The following HECTD2 variants were observed in gnomAD, a reference collection of about 807,000 sequenced individuals.
HECTD2 encodes probable E3 ubiquitin-protein ligase HECTD2.
In HECTD2, 35 loss-of-function variants were observed where a neutral mutation model predicts 103.2. That is an observed-to-expected ratio of 0.34 (90% CI 0.26 to 0.45). The LOEUF (loss-of-function observed/expected upper bound fraction) is 0.45, where lower values mean the gene tolerates loss of function less well. Ranked by LOEUF, HECTD2 falls within the 20% of genes least tolerant of loss-of-function variation. The pLI is 1.00. For synonymous variants in HECTD2, 281 were observed against 329.9 expected (o/e 0.85, Z 1.61); for missense variants, 596 against 937.4 (o/e 0.64, Z 4.76).
intron 1 of HECTD2, among the ~76,000 whole-genome samples, chr10:91,411,418 G>C (rs142434813): frequency 8.1e-4 from 124 of 152,220 alleles, no homozygotes; most frequent in African/African-American, 2.9e-3. Context: ...CTTTTTGAAA[G>C]TTTGCTTTGA....
At chr10:91,450,442 T>A (rs1213083792) in intron 2 of HECTD2, among the ~76,000 whole-genome samples, 1 of 152,126 alleles carries the variant, frequency 6.6e-6, no homozygotes, top group Non-Finnish European at 1.5e-5. Flanking sequence ...ACCTAGGCAG[T>A]ACCATTCAGG....
At chr10:91,510,463 T>C (rs764016881) in intron 20 of HECTD2, among the ~76,000 whole-genome samples, 17 of 152,230 alleles carry the variant, frequency 1.1e-4, no homozygotes, top group Non-Finnish European at 2.2e-4. Flanking sequence ...TTTTCTTCAA[T>C]AAACATTTTC....
intron 2 of HECTD2, among the ~76,000 whole-genome samples, chr10:91,434,948 A>G (rs1844052524): frequency 6.6e-6 from 1 of 152,064 alleles, no homozygotes; most frequent in Non-Finnish European, 1.5e-5. Context: ...GAAGTTCAGT[A>G]CATGTTATGA....
chr10:91,511,806 T>C (rs115119445), intron 20 of HECTD2, among the ~76,000 whole-genome samples: 2,363 of 152,230 alleles, frequency 0.016, 58 homozygotes, highest in African/African-American at 0.054. Flanking sequence ...CCAACAACCA[T>C]ACCCATCTCT....
chr10:91,503,122 A>G (rs1349125760), intron 20 of HECTD2, among the ~76,000 whole-genome samples: 1 of 152,234 alleles, frequency 6.6e-6, no homozygotes, highest in African/African-American at 2.4e-5. Flanking sequence ...ACACTTTTCA[A>G]AAGAAGGCAA....
At chr10:91,455,942 TG>T (rs1468868332) in intron 2 of HECTD2, among the ~76,000 whole-genome samples, 2 of 152,178 alleles carry the variant, frequency 1.3e-5, no homozygotes, top group East Asian at 3.8e-4. Context: ...ATCTCTGTTT[TG>T]GTACCAGTAC....
rs146293559 is a variant in HECTD2 at position 91,496,472 on chromosome 10, G to A, written c.1680+100G>A. On this transcript the variant is annotated intron_variant, in intron 15 of 20. Coordinates refer to ENST00000298068, the MANE Select transcript of HECTD2 (RefSeq NM_182765.6). ...TAATGCTATTCTTACTTTTAAATAT[G>A]GTTTCCTTCTACCTTTATAACTCAT... The A allele has an allele frequency of 4.0e-4, 330 of 818,438 alleles. 4 individuals carry two copies. In the African/African-American group the frequency reaches 4.4e-3, roughly 11 times the overall value. 50.7% of individuals were successfully genotyped at this position (818,438 alleles called of 1,614,324 possible).
At chr10:91,508,907 A>T (rs1847306269) in intron 20 of HECTD2, among the ~76,000 whole-genome samples, 1 of 151,704 alleles carries the variant, frequency 6.6e-6, no homozygotes, top group Non-Finnish European at 1.5e-5. Context: ...GGATTAAGAA[A>T]ATGTGGCACA....
At position 91,410,586 on chromosome 10, in the gene HECTD2, G is replaced by A. The variant is rs1842877647; in HGVS notation, c.138+10G>A. ...CGCCGGCGCGACCGCGGTAGGTGGT[G>A]GGCCGGGGCCGTCTGGCGCCCCGGA... On this transcript the variant is annotated intron_variant, in intron 1 of 20. Transcript: ENST00000298068. The A allele has an allele frequency of 3.9e-6, 5 of 1,289,176 alleles. No homozygotes were observed. Among genetic ancestry groups the A allele is most frequent in the Non-Finnish European group, 3.9e-6 (4 of 1,030,538 alleles). The allele number at this position is 1,289,176 out of a possible 1,614,324, so 79.9% of individuals were successfully genotyped here.
At position 91,512,579 on chromosome 10, in the gene HECTD2, TTGAG is replaced by T. The variant is rs149205373; in HGVS notation, c.*200_*203del. Reference sequence around the variant, plus strand: ...TTCTAAAAACACACACAGAAATCGCTTGAGTGAGGAAAAGTCCACATGGCAGAGA... The same window carrying T: ...TTCTAAAAACACACACAGAAATCGCTTGAGGAAAAGTCCACATGGCAGAGA... On this transcript the variant is annotated 3_prime_UTR_variant, in exon 21 of 21. Transcript: ENST00000298068. 558 of 532,562 alleles carry T rather than the reference TTGAG, an allele frequency of 1.0e-3. 2 individuals carry two copies. The highest frequency in any genetic ancestry group is 9.7e-3 in the African/African-American group (515 of 53,230). The allele number at this position is 532,562 out of a possible 1,614,324, so 33.0% of individuals were successfully genotyped here. A position where few individuals can be genotyped will look rare whatever the true frequency, so the allele number is the denominator to read the frequency against.
At chr10:91,477,428 T>G (rs1845948993) in intron 5 of HECTD2, among the ~76,000 whole-genome samples, 1 of 152,190 alleles carries the variant, frequency 6.6e-6, no homozygotes, top group South Asian at 2.1e-4. Context: ...GTCAGCACAT[T>G]TGTTTGGTTT....
At chr10:91,479,794 C>G (rs892249281) in intron 6 of HECTD2, among the ~76,000 whole-genome samples, 1 of 152,110 alleles carries the variant, frequency 6.6e-6, no homozygotes, top group African/African-American at 2.4e-5. Context: ...AGCAGAGGGC[C>G]TGAGACTTCA....
intron 2 of HECTD2, among the ~76,000 whole-genome samples, chr10:91,453,581 A>G (rs1447349041): frequency 1.3e-5 from 2 of 152,194 alleles, no homozygotes; most frequent in Non-Finnish European, 1.5e-5. Context: ...AACACTATAT[A>G]TAAATCAAAA....
intron 2 of HECTD2, among the ~76,000 whole-genome samples, chr10:91,444,397 T>C (rs1224798496): frequency 6.6e-6 from 1 of 152,176 alleles, no homozygotes; most frequent in Non-Finnish European, 1.5e-5. Context: ...AAGAGGATTA[T>C]AGGGTAAGTT....
chr10:91,477,511 G>T (rs1450318696), intron 5 of HECTD2, among the ~76,000 whole-genome samples: 1 of 152,162 alleles, frequency 6.6e-6, no homozygotes, highest in Non-Finnish European at 1.5e-5. Context: ...GGTGTGCGGG[G>T]TTACTGTAAG....
At chr10:91,440,236 AAG>A (rs1055598538) in intron 2 of HECTD2, among the ~76,000 whole-genome samples, 1 of 151,848 alleles carries the variant, frequency 6.6e-6, no homozygotes, top group African/African-American at 2.4e-5. Context: ...AGCTCTTATT[AAG>A]AGAAACATCC....
intron 2 of HECTD2, among the ~76,000 whole-genome samples, chr10:91,434,272 G>A (rs1404424333): frequency 1.3e-5 from 2 of 151,820 alleles, no homozygotes; most frequent in Non-Finnish European, 2.9e-5. Flanking sequence ...ATCCATTCTG[G>A]TCTTTCCTTG....
At chr10:91,512,240 T>A (rs754229353) in intron 20 of HECTD2, 24 bp from the exon 21 acceptor site, 2 of 1,556,554 alleles carry the variant, frequency 1.3e-6, no homozygotes, top group South Asian at 1.2e-5. Context: ...AGACTTAGTA[T>A]TTTTTTTTAA....
chr10:91,426,923 A>T (rs999595427), intron 2 of HECTD2, among the ~76,000 whole-genome samples: 2 of 150,684 alleles, frequency 1.3e-5, no homozygotes, highest in East Asian at 2.0e-4. Flanking sequence ...ATATGTATAC[A>T]TGTGCCATGC....
Sources: allele counts gnomAD v4.1 joint callset (sites outside exome capture counted in the v4.1 genomes callset), GRCh38; gene constraint gnomAD v4.1.1; transcripts MANE v1.5; gene names NCBI Gene and HGNC (gene_info 2026-07-23, HGNC 2026-07-21).